Variants in DOCK4 observed in about 807,000 individuals in gnomAD.
DOCK4 encodes the protein dedicator of cytokinesis protein 4.
A neutral mutation model predicts 268.1 loss-of-function variants in DOCK4; 97 were observed. That is an observed-to-expected ratio of 0.36 (90% CI 0.31 to 0.43). The LOEUF (loss-of-function observed/expected upper bound fraction) is 0.43, where lower values mean the gene tolerates loss of function less well. Ranked by LOEUF, DOCK4 falls within the 20% of genes least tolerant of loss-of-function variation. DOCK4 has a pLI of 1.00. For missense variants in DOCK4, 2,145 were observed against 2,455.7 expected (o/e 0.87, Z 2.67); for synonymous variants, 954 against 887.2 (o/e 1.08, Z -1.34).
intron 12 of DOCK4, among the ~76,000 whole-genome samples, chr7:111,935,167 C>T (rs1053404856): frequency 1.3e-5 from 2 of 151,792 alleles, no homozygotes; most frequent in South Asian, 2.1e-4. Context: ...AGGTTGGTCT[C>T]GAACTCCTGA....
intron 23 of DOCK4, among the ~76,000 whole-genome samples, chr7:111,851,725 G>A (rs1025571139): frequency 6.6e-6 from 1 of 152,014 alleles, no homozygotes; most frequent in Non-Finnish European, 1.5e-5. Context: ...CTTTTCATCT[G>A]TAAAACGAGG....
chr7:111,863,465 G>C lies in DOCK4; in HGVS notation c.2380C>G (p.Leu794Val), dbSNP rs1168247085. 1 of 1,614,030 alleles carries C rather than the reference G, an allele frequency of 6.2e-7. No individual in the cohort carries two copies. Among genetic ancestry groups the C allele is most frequent in the Non-Finnish European group, 8.5e-7 (1 of 1,179,896 alleles). The part of the protein sequence containing the change: ...ANLVQDTLGS[L>V]PTILHVDDSL... ...TCATCCACATGCAGGATGGTCGGCA[G>C]ACTGCCCAGGGTGTCCTGGACCAAG... The change falls in exon 23 of 53, where the codon CTG (leucine) becomes GTG (valine). Residue 794 changes from leucine to valine, a missense_variant. Leu to Val is a conservative substitution (Grantham distance 32). Coordinates refer to ENST00000428084, the MANE Select transcript of DOCK4 (RefSeq NM_001363540.2).
chr7:111,728,745 AG>A, intron 52 of DOCK4, 25 bp from the exon 53 acceptor site: 1 of 1,578,130 alleles, frequency 6.3e-7, no homozygotes, highest in Non-Finnish European at 8.6e-7. Context: ...AGGAAACGAG[AG>A]GGAGACACAG....
chr7:111,743,450 A>C (rs916114347), intron 44 of DOCK4, among the ~76,000 whole-genome samples: 4 of 152,198 alleles, frequency 2.6e-5, no homozygotes, highest in African/African-American at 9.7e-5. Context: ...ACAAATATCA[A>C]GGATGCCTTT....
intron 5 of DOCK4, 150 bp from the exon 6 acceptor site, chr7:111,989,313 T>C (rs1799316096): frequency 3.1e-6 from 3 of 978,488 alleles, no homozygotes; most frequent in Non-Finnish European, 4.5e-6. Context: ...AACTGTTCGC[T>C]CACTATCCTC....
At chr7:112,106,436 G>A (rs1811152976) in intron 1 of DOCK4, among the ~76,000 whole-genome samples, 1 of 152,196 alleles carries the variant, frequency 6.6e-6, no homozygotes, top group Non-Finnish European at 1.5e-5. Flanking sequence ...GGAGGCTGTA[G>A]CTAAACAAGG....
At chr7:111,815,752 A>C (rs1801497554) in intron 27 of DOCK4, among the ~76,000 whole-genome samples, 2 of 149,776 alleles carry the variant, frequency 1.3e-5, no homozygotes, top group East Asian at 2.0e-4. Flanking sequence ...GCTCACTGCA[A>C]CCTCTGCCTC....
intron 1 of DOCK4, among the ~76,000 whole-genome samples, chr7:112,140,279 G>A (rs1814776022): frequency 6.6e-6 from 1 of 152,122 alleles, no homozygotes; most frequent in African/African-American, 2.4e-5. Flanking sequence ...TGGAGATGTC[G>A]GAGCCCCCAA....
At chr7:111,749,560 C>A (rs1214733988) in intron 42 of DOCK4, among the ~76,000 whole-genome samples, 1 of 150,090 alleles carries the variant, frequency 6.7e-6, no homozygotes, top group African/African-American at 2.4e-5. Flanking sequence ...TATTAAAAAT[C>A]AAATTTTCTA....
intron 23 of DOCK4, among the ~76,000 whole-genome samples, chr7:111,847,705 A>G (rs984125360): frequency 4.6e-5 from 7 of 152,134 alleles, no homozygotes; most frequent in Non-Finnish European, 1.0e-4. Context: ...CTTCTCTGCC[A>G]CCATGTAAGA....
chr7:111,782,704 C>T (rs1244761323), intron 35 of DOCK4, among the ~76,000 whole-genome samples, 160 bp downstream of exon 35: 1 of 152,098 alleles, frequency 6.6e-6, no homozygotes, highest in Non-Finnish European at 1.5e-5. Context: ...TTAATTTAAC[C>T]TGCAGCTCAC....
intron 35 of DOCK4, 23 bp downstream of exon 35, chr7:111,782,840 GA>G: frequency 6.2e-7 from 1 of 1,611,340 alleles, no homozygotes; most frequent in Non-Finnish European, 8.5e-7. Flanking sequence ...GAGAAAAGGA[GA>G]AAAAGGGGAA....
chr7:112,045,141 A>G (rs1386483524), intron 1 of DOCK4, among the ~76,000 whole-genome samples: 1 of 151,984 alleles, frequency 6.6e-6, no homozygotes, highest in Non-Finnish European at 1.5e-5. Flanking sequence ...TCCTCATTCT[A>G]CTGGCTATTC....
At chr7:111,773,817 G>C (rs894511424) in intron 36 of DOCK4, among the ~76,000 whole-genome samples, 2 of 151,424 alleles carry the variant, frequency 1.3e-5, no homozygotes, top group Non-Finnish European at 2.9e-5. Flanking sequence ...AGGAGTTCGA[G>C]ACTAGCCTGG....
At chr7:112,160,728 T>C (rs1414830582) in intron 1 of DOCK4, among the ~76,000 whole-genome samples, 3 of 152,194 alleles carry the variant, frequency 2.0e-5, no homozygotes, top group Non-Finnish European at 4.4e-5. Flanking sequence ...GGAACAACAA[T>C]TAATTTGTCA....
intron 12 of DOCK4, among the ~76,000 whole-genome samples, chr7:111,924,719 C>T (rs1487576231): frequency 1.3e-5 from 2 of 152,078 alleles, no homozygotes; most frequent in Non-Finnish European, 2.9e-5. Context: ...AGTTCAAGAC[C>T]AACCTGGCCA....
At chr7:111,760,096 G>C (rs1019126717) in intron 40 of DOCK4, 85 bp downstream of exon 40, 22 of 1,541,764 alleles carry the variant, frequency 1.4e-5, no homozygotes, top group Non-Finnish European at 2.0e-5. Flanking sequence ...AAAGGGACTG[G>C]TGGCTGAACA....
At chr7:111,999,312 T>A (rs986136318) in intron 3 of DOCK4, among the ~76,000 whole-genome samples, 2 of 152,112 alleles carry the variant, frequency 1.3e-5, no homozygotes, top group African/African-American at 4.8e-5. Context: ...AAAATAAAAT[T>A]TAATAGGCAA....
At chr7:111,772,313 G>A (rs1295508963) in intron 36 of DOCK4, among the ~76,000 whole-genome samples, 2 of 152,218 alleles carry the variant, frequency 1.3e-5, no homozygotes, top group East Asian at 3.9e-4. Flanking sequence ...TTGGGAGGCT[G>A]AGTCAGGAGG....
Sources: gnomAD v4.1 joint callset for allele counts (sites outside exome capture counted in the v4.1 genomes callset) on GRCh38, gnomAD v4.1.1 for gene constraint, MANE v1.5 for transcripts, NCBI Gene and HGNC (gene_info 2026-07-23, HGNC 2026-07-21) for gene names.